The following SEMA3E variants were observed in gnomAD, a reference collection of about 807,000 sequenced individuals.
The protein encoded by SEMA3E is semaphorin 3E, also known as semaphorin-3E.
SEMA3E carries 49 observed loss-of-function variants against 93.6 expected under a neutral mutation model. The observed-to-expected ratio is 0.52, with a 90% CI of 0.42 to 0.66. The LOEUF is 0.66. SEMA3E is among the 30% of genes least tolerant of loss of function. The probability of loss-of-function intolerance (pLI) is 0.00; values close to 1 mark genes in which losing one functional copy is unlikely to be tolerated. For synonymous variants in SEMA3E, 363 were observed against 330.7 expected (o/e 1.10, Z -1.06); for missense variants, 906 against 964.8 (o/e 0.94, Z 0.81).
chr7:83,577,500 C>T (rs182581845), intron 1 of SEMA3E, among the ~76,000 whole-genome samples: 1 of 152,272 alleles, frequency 6.6e-6, no homozygotes, highest in Non-Finnish European at 1.5e-5. Context: ...GTAGCCATTT[C>T]ATCAATAGTG....
At chr7:83,592,150 C>T (rs1174022630) in intron 1 of SEMA3E, among the ~76,000 whole-genome samples, 2 of 152,076 alleles carry the variant, frequency 1.3e-5, no homozygotes, top group South Asian at 4.1e-4. Flanking sequence ...TTTAGAAATA[C>T]TGCATATAGT....
At chr7:83,418,135 A>C (rs1018673464) in intron 5 of SEMA3E, among the ~76,000 whole-genome samples, 1 of 152,160 alleles carries the variant, frequency 6.6e-6, no homozygotes, top group Non-Finnish European at 1.5e-5. Context: ...CATGACACCA[A>C]ATACATGAGA....
intron 4 of SEMA3E, among the ~76,000 whole-genome samples, chr7:83,440,028 G>C (rs1789081215): frequency 6.6e-6 from 1 of 152,112 alleles, no homozygotes; most frequent in African/African-American, 2.4e-5. Flanking sequence ...GTTAATTCTG[G>C]TAGGTCCTGC....
At chr7:83,448,990 G>A (rs1224506751) in intron 4 of SEMA3E, among the ~76,000 whole-genome samples, 1 of 151,978 alleles carries the variant, frequency 6.6e-6, no homozygotes, top group Admixed American at 6.6e-5. Context: ...GCTACCTTAT[G>A]TTAAGTACTT....
intron 1 of SEMA3E, among the ~76,000 whole-genome samples, chr7:83,626,749 T>G (rs1384378187): frequency 6.6e-6 from 1 of 152,194 alleles, no homozygotes; most frequent in African/African-American, 2.4e-5. Context: ...CTCTGCTAGC[T>G]TTTGAATTTG....
intron 1 of SEMA3E, among the ~76,000 whole-genome samples, chr7:83,506,737 A>C (rs1395237227): frequency 6.6e-6 from 1 of 152,220 alleles, no homozygotes. Flanking sequence ...TTACTCAGAA[A>C]ACAAGTAAGT....
chr7:83,587,292 A>G (rs577606151), intron 1 of SEMA3E, among the ~76,000 whole-genome samples: 1 of 152,326 alleles, frequency 6.6e-6, no homozygotes, highest in African/African-American at 2.4e-5. Flanking sequence ...CTTAGTTTTC[A>G]GTTTATTCAC....
chr7:83,395,992 G>T (rs1341255805), intron 12 of SEMA3E, among the ~76,000 whole-genome samples: 1 of 151,900 alleles, frequency 6.6e-6, no homozygotes, highest in Non-Finnish European at 1.5e-5. Context: ...CACTAGTTCA[G>T]TGTTACAACA....
intron 1 of SEMA3E, among the ~76,000 whole-genome samples, chr7:83,625,807 G>C (rs113403983): frequency 7.6e-4 from 116 of 152,106 alleles, no homozygotes; most frequent in Middle Eastern, 3.4e-3. Context: ...AATGCTTCCA[G>C]CTTTTGCCCA....
At chr7:83,551,610 T>C (rs1791765740) in intron 1 of SEMA3E, among the ~76,000 whole-genome samples, 1 of 152,216 alleles carries the variant, frequency 6.6e-6, no homozygotes, top group South Asian at 2.1e-4. Flanking sequence ...CTCACAGGTA[T>C]ATATGTTTTA....
At chr7:83,538,799 A>G (rs1386069349) in intron 1 of SEMA3E, among the ~76,000 whole-genome samples, 1 of 152,176 alleles carries the variant, frequency 6.6e-6, no homozygotes, top group Non-Finnish European at 1.5e-5. Context: ...AATATATTTT[A>G]AAAATTTCAT....
At chr7:83,469,401 T>A (rs1584269736) in intron 2 of SEMA3E, 99 bp from the exon 3 acceptor site, 1 of 244,896 alleles carries the variant, frequency 4.1e-6, no homozygotes, top group Non-Finnish European at 7.4e-6. Context: ...ACATTTCCTT[T>A]TTTTTTTTTT....
At chr7:83,500,066 G>A (rs985782500) in intron 1 of SEMA3E, among the ~76,000 whole-genome samples, 32 of 152,316 alleles carry the variant, frequency 2.1e-4, no homozygotes, top group African/African-American at 7.5e-4. Flanking sequence ...TAGATATTCA[G>A]TCAAAGCAGA....
chr7:83,552,592 T>G (rs2115806111), intron 1 of SEMA3E, among the ~76,000 whole-genome samples: 1 of 152,238 alleles, frequency 6.6e-6, no homozygotes. Flanking sequence ...TGCTAAATTC[T>G]TTTCCTAGCA....
At chr7:83,616,908 A>G (rs1793379903) in intron 1 of SEMA3E, among the ~76,000 whole-genome samples, 1 of 152,002 alleles carries the variant, frequency 6.6e-6, no homozygotes, top group Admixed American at 6.6e-5. Flanking sequence ...TATTTTTGGT[A>G]GAGACGGGGT....
chr7:83,635,919 T>C (rs370141646), intron 1 of SEMA3E, among the ~76,000 whole-genome samples: 2 of 152,140 alleles, frequency 1.3e-5, no homozygotes, highest in African/African-American at 4.8e-5. Context: ...AATTGGGCCT[T>C]TCTGAAAAAA....
intron 11 of SEMA3E, 46 bp downstream of exon 11, chr7:83,399,982 T>G: frequency 1.4e-6 from 2 of 1,395,652 alleles, no homozygotes; most frequent in Non-Finnish European, 2.0e-6. Context: ...ATTATTGAAT[T>G]TAAGGGTCAA....
chr7:83,613,175 T>A (rs1793300323), intron 1 of SEMA3E, among the ~76,000 whole-genome samples: 1 of 152,054 alleles, frequency 6.6e-6, no homozygotes. Context: ...CTATCACAAC[T>A]ACTCTATAGT....
intron 2 of SEMA3E, among the ~76,000 whole-genome samples, chr7:83,470,852 C>A (rs559598667): frequency 8.3e-6 from 1 of 120,194 alleles, no homozygotes; most frequent in South Asian, 2.9e-4. Context: ...GTGTGGTTCC[C>A]CCACATTTTC....
Sources: gnomAD v4.1 joint callset for allele counts (sites outside exome capture counted in the v4.1 genomes callset) on GRCh38, gnomAD v4.1.1 for gene constraint, MANE v1.5 for transcripts, NCBI Gene and HGNC (gene_info 2026-07-23, HGNC 2026-07-21) for gene names.